Variants in RBFOX1 observed in about 807,000 individuals in gnomAD.
RBFOX1 encodes the protein RNA binding fox-1 homolog 1.
A neutral mutation model predicts 57.7 loss-of-function variants in RBFOX1; 8 were observed. That is an observed-to-expected ratio of 0.14 (90% CI 0.08 to 0.25). The LOEUF is 0.25. Among genes scored for constraint, RBFOX1 ranks in the 10% least tolerant of loss-of-function variants. The probability of loss-of-function intolerance (pLI) is 1.00; values close to 1 mark genes in which losing one functional copy is unlikely to be tolerated. For missense variants in RBFOX1, 611 were observed against 548.5 expected, an observed-to-expected ratio of 1.11 and a Z score of -1.14; for synonymous variants, 326 against 222.4, an observed-to-expected ratio of 1.47 and a Z score of -4.15.
chr16:5,303,284 C>G (rs1397916796), intron 1 of RBFOX1, among the ~76,000 whole-genome samples: 1 of 152,178 alleles, frequency 6.6e-6, no homozygotes, highest in Non-Finnish European at 1.5e-5. Flanking sequence ...CCTATTCTCC[C>G]TGGGATTTTC....
At chr16:6,035,393 C>T (rs888727903) in intron 1 of RBFOX1, among the ~76,000 whole-genome samples, 6 of 152,208 alleles carry the variant, frequency 3.9e-5, no homozygotes, top group African/African-American at 1.4e-4. Context: ...TAGGAAGAAA[C>T]AAGACGGTAT....
At chr16:5,418,679 C>A (rs2067226648) in intron 1 of RBFOX1, among the ~76,000 whole-genome samples, 1 of 152,116 alleles carries the variant, frequency 6.6e-6, no homozygotes, top group Non-Finnish European at 1.5e-5. Flanking sequence ...CCCTTCTTTC[C>A]TCCCTCTTCT....
chr16:5,773,370 A>G (rs1339351000), intron 3 of RBFOX1, among the ~76,000 whole-genome samples: 1 of 152,226 alleles, frequency 6.6e-6, no homozygotes, highest in Non-Finnish European at 1.5e-5. Flanking sequence ...ATTCAAACAC[A>G]CACACATCCA....
At chr16:5,400,412 G>A (rs868211718) in intron 1 of RBFOX1, among the ~76,000 whole-genome samples, 1 of 151,888 alleles carries the variant, frequency 6.6e-6, no homozygotes, top group Non-Finnish European at 1.5e-5. Context: ...TTCTCTCTTT[G>A]TACATCTCTA....
At chr16:7,362,577 G>A (rs368763505) in intron 4 of RBFOX1, among the ~76,000 whole-genome samples, 2 of 152,004 alleles carry the variant, frequency 1.3e-5, no homozygotes, top group East Asian at 3.9e-4. Context: ...GCATGTTAGT[G>A]TGTGTATTAG....
chr16:5,794,107 G>C (rs1279705296), intron 3 of RBFOX1, among the ~76,000 whole-genome samples: 2 of 152,126 alleles, frequency 1.3e-5, no homozygotes, highest in Non-Finnish European at 2.9e-5. Context: ...GTACATCTGT[G>C]GTGTTGGGCA....
At chr16:6,721,088 G>C (rs1386147271) in intron 3 of RBFOX1, among the ~76,000 whole-genome samples, 1 of 152,126 alleles carries the variant, frequency 6.6e-6, no homozygotes, top group Non-Finnish European at 1.5e-5. Flanking sequence ...TGATAGCTCA[G>C]TGTTTGCTTT....
At chr16:6,132,463 G>C (rs923603273) in intron 1 of RBFOX1, among the ~76,000 whole-genome samples, 2 of 152,230 alleles carry the variant, frequency 1.3e-5, no homozygotes, top group African/African-American at 4.8e-5. Context: ...GCAGGAAATT[G>C]ATGTTTGTTG....
intron 2 of RBFOX1, among the ~76,000 whole-genome samples, chr16:6,590,799 G>A (rs1029635358): frequency 6.6e-6 from 1 of 152,112 alleles, no homozygotes. Context: ...AGAATATTTT[G>A]TTTCATAATA....
intron 3 of RBFOX1, among the ~76,000 whole-genome samples, chr16:6,760,281 G>A (rs928430389): frequency 6.6e-6 from 1 of 152,158 alleles, no homozygotes; most frequent in Non-Finnish European, 1.5e-5. Context: ...TTGCTTTAAA[G>A]GATTGAGGAG....
intron 1 of RBFOX1, among the ~76,000 whole-genome samples, chr16:5,369,422 C>G (rs544210653): frequency 1.5e-3 from 221 of 152,358 alleles, no homozygotes; most frequent in Non-Finnish European, 2.5e-3. Flanking sequence ...ACATAGTCGT[C>G]TCCCAGTCAC....
intron 4 of RBFOX1, among the ~76,000 whole-genome samples, chr16:7,224,454 G>T (rs899591480): frequency 6.6e-6 from 1 of 152,124 alleles, no homozygotes; most frequent in Admixed American, 6.5e-5. Context: ...CCAGCCCAGT[G>T]CTTCTCAGTC....
chr16:5,847,981 A>T (rs117544997), intron 3 of RBFOX1, among the ~76,000 whole-genome samples: 130 of 152,264 alleles, frequency 8.5e-4, no homozygotes, highest in Non-Finnish European at 1.5e-3. Flanking sequence ...CTCTGACATC[A>T]TCTGGTGTAG....
rs548501879 is a variant in RBFOX1, at chr16:5,298,956, A to G, written c.219+58851A>G. Among the ~76,000 whole-genome samples, 3 of 127,058 alleles carry G rather than the reference A, an allele frequency of 2.4e-5. No individual in the cohort carries two copies. The South Asian group carries it at 9.1e-4, about 38-fold the overall frequency. 83.4% of individuals were successfully genotyped at this position (127,058 alleles called of 152,430 possible). A position where few individuals can be genotyped will look rare whatever the true frequency, so the allele number is the denominator to read the frequency against. The stretch of plus-strand genomic sequence containing the variant: ...TGTGATTTAAAGAATATATACATTA[A>G]AATGCACAGATCTTAAGCATTCAAT... On this transcript the variant is annotated intron_variant, in intron 1 of 2. Coordinates refer to the RBFOX1 transcript ENST00000585867.
chr16:6,408,662 G>A lies in RBFOX1; in HGVS notation c.-64+91605G>A, dbSNP rs1365555996. 3.3e-5 allele frequency among the ~76,000 whole-genome samples: 5 copies of A among 152,100 alleles called. No individual in the cohort carries two copies. In the East Asian group the frequency reaches 7.7e-4, roughly 23 times the overall value. ...TCCTCTTCCCTCCCTCTCTGACACC[G>A]TAGTGTTATGTTGTCTGTAACATGT... is the stretch of plus-strand genomic sequence containing the variant. On this transcript the variant is annotated intron_variant, in intron 2 of 15. Transcript: ENST00000550418.
chr16:7,058,607 C>G (rs11649347), intron 4 of RBFOX1, among the ~76,000 whole-genome samples: 1 of 151,976 alleles, frequency 6.6e-6, no homozygotes, highest in African/African-American at 2.4e-5. Flanking sequence ...CATGTGTCTT[C>G]GTGTTTGTAT....
In RBFOX1 at chr16:7,567,407, C is replaced by CTATGTATGGCCCTA. The variant is rs1567866453; in HGVS notation, c.271-12367_271-12366insGTATGGCCCTATAT. Among the ~76,000 whole-genome samples, 311 of 69,088 alleles carry CTATGTATGGCCCTA rather than the reference C, an allele frequency of 4.5e-3. 6 individuals are homozygous for CTATGTATGGCCCTA. The highest frequency in any genetic ancestry group is 0.015 in the African/African-American group (278 of 19,036). 45.3% of individuals were successfully genotyped at this position (69,088 alleles called of 152,430 possible). A position where few individuals can be genotyped will look rare whatever the true frequency, so the allele number is the denominator to read the frequency against. On this transcript the variant is annotated intron_variant, in intron 5 of 15. Transcript: ENST00000550418. ...TGTATGGCCCTATATATATATATCC[C>CTATGTATGGCCCTA]TATATATATATCCCTATGTATGGCC...
intron 3 of RBFOX1, among the ~76,000 whole-genome samples, chr16:6,761,494 A>G (rs117451768): frequency 8.9e-6 from 1 of 112,442 alleles, no homozygotes; most frequent in Admixed American, 1.1e-4. Context: ...CCTTTCTCCC[A>G]ATCTCCTTTT....
chr16:7,633,347 G>A (rs1299021275), intron 11 of RBFOX1, among the ~76,000 whole-genome samples: 1 of 152,136 alleles, frequency 6.6e-6, no homozygotes, highest in South Asian at 2.1e-4. Flanking sequence ...ATTGTATAAT[G>A]TGCATCCAAC....
Sources: gnomAD v4.1 joint callset for allele counts (sites outside exome capture counted in the v4.1 genomes callset) on GRCh38, gnomAD v4.1.1 for gene constraint, MANE v1.5 for transcripts, NCBI Gene and HGNC (gene_info 2026-07-23, HGNC 2026-07-21) for gene names.